Variants in DHX8 observed in about 807,000 individuals in gnomAD.
The protein encoded by DHX8 is ATP-dependent RNA helicase DHX8.
DHX8 carries 67 observed loss-of-function variants against 140.7 expected under a neutral mutation model. The ratio of observed to expected loss-of-function variants is 0.48; its 90% CI spans 0.39 to 0.58. The LOEUF (loss-of-function observed/expected upper bound fraction) is 0.58. Among genes scored for constraint, DHX8 ranks in the 20% least tolerant of loss-of-function variants. DHX8 has a pLI of 0.00. For synonymous variants in DHX8, 533 were observed against 553.2 expected (o/e 0.96, Z 0.51); for missense variants, 887 against 1,550.7 (o/e 0.57, Z 7.19).
chr17:43,500,207 C>G, intron 11 of DHX8, 104 bp downstream of exon 11: 2 of 1,332,044 alleles, frequency 1.5e-6, no homozygotes, highest in Non-Finnish European at 2.0e-6. Context: ...ACCCTTGGGC[C>G]GGGGCGGTGG....
chr17:43,543,189 C>G (rs376690109), intron 3 of DHX8, among the ~76,000 whole-genome samples: 3 of 151,784 alleles, frequency 2.0e-5, no homozygotes, highest in African/African-American at 7.3e-5. Context: ...GCCCACCCCC[C>G]TCACCTCCGC....
Position 43,504,748 on chromosome 17 carries a change from G to A in DHX8, c.1651G>A (p.Gly551Arg). The A allele has an allele frequency of 6.2e-7, 1 of 1,614,016 alleles. No individual in the cohort carries two copies. The change falls in exon 12 of 23, where the codon GGA (glycine) becomes AGA (arginine). Residue 551 changes from glycine (G) to arginine (R), a missense_variant. Physicochemically the swap from Gly to Arg is moderately radical, Grantham distance 125. This residue lies in a region of DHX8 where 178 missense variants were observed against 398.5 expected (regional missense o/e 0.45). Transcript: ENST00000262415. The stretch of plus-strand genomic sequence containing the variant: ...CTTTGGGGGCAACAAAGCCTCTTAC[G>A]GAAAAAAGACCCAGATGTCAATCCT... ...HAFGGNKASYGKKTQMSILEQ... is the reference protein window; with the variant it reads ...HAFGGNKASYRKKTQMSILEQ...
chr17:43,538,534 ACAG>A (rs1444391759), intron 3 of DHX8, among the ~76,000 whole-genome samples: 1 of 152,156 alleles, frequency 6.6e-6, no homozygotes, highest in Non-Finnish European at 1.5e-5. Context: ...AAACTGAAAT[ACAG>A]CAGCAGCTCA....
chr17:43,511,443 C>T (rs555924922), intron 16 of DHX8, among the ~76,000 whole-genome samples: 7 of 67,566 alleles, frequency 1.0e-4, no homozygotes, highest in African/African-American at 3.2e-4. Flanking sequence ...TGGCTTATGC[C>T]TGTGATCCCA....
downstream of DHX8, chr17:43,528,604 G>A (rs762197744): frequency 7.4e-6 from 12 of 1,614,176 alleles, no homozygotes; most frequent in South Asian, 4.4e-5. Flanking sequence ...ATCCAAGTGG[G>A]ACAAAGGGAC....
intron 2 of DHX8, chr17:43,533,882 A>G: frequency 1.2e-6 from 2 of 1,604,876 alleles, no homozygotes; most frequent in East Asian, 2.3e-5. Context: ...ACTGCTCGCC[A>G]TGGTGGTAGG....
Position 43,507,091 on chromosome 17 carries a change from G to A in DHX8, c.1817G>A (p.Gly606Asp). 3 of 1,614,044 alleles carry A rather than the reference G, an allele frequency of 1.9e-6. No homozygotes were observed. The highest frequency in any genetic ancestry group is 2.5e-6 in the Non-Finnish European group (3 of 1,180,008). Residue 606 changes from glycine to aspartate, a missense_variant, in exon 13 of 23, where the codon GGC becomes GAC. Gly to Asp is a moderately conservative substitution (Grantham distance 94). Transcript: ENST00000262415. ...ATCACCCAGTACCTGGCGGAGGCAG[G>A]CTACACTTCCAGGGGCAAGATTGGG... ...TQITQYLAEA[G>D]YTSRGKIGCT...
In DHX8 at chr17:43,483,993, C is replaced by T. The variant is rs1016609489; in HGVS notation, c.-45C>T. On this transcript the variant is annotated 5_prime_UTR_variant, in exon 1 of 23. Transcript: ENST00000262415. ...AAGCTGGAACCCGGCCGGAGTAGCT[C>T]TGAGCGCCGGCTGTGAGGAAGGAGG... The T allele has an allele frequency of 2.5e-6, 4 of 1,610,868 alleles. No homozygotes were observed. Among genetic ancestry groups the T allele is most frequent in the Non-Finnish European group, 3.4e-6 (4 of 1,178,116 alleles).
intron 4 of DHX8, among the ~76,000 whole-genome samples, chr17:43,491,864 G>T (rs533920244): frequency 2.8e-4 from 43 of 152,290 alleles, no homozygotes; most frequent in Non-Finnish European, 5.0e-4. Flanking sequence ...AGTGCAGAGG[G>T]AGAGTTGCTT....
At chr17:43,499,744 A>G (rs1033729160) in intron 10 of DHX8, among the ~76,000 whole-genome samples, 3 of 152,170 alleles carry the variant, frequency 2.0e-5, no homozygotes, top group African/African-American at 7.2e-5. Flanking sequence ...CTCATATTCA[A>G]ACTAAACATC....
chr17:43,531,032 A>G (rs966924921), downstream of DHX8, among the ~76,000 whole-genome samples: 2 of 152,154 alleles, frequency 1.3e-5, no homozygotes, highest in African/African-American at 4.8e-5. Flanking sequence ...CAGCGGCAAG[A>G]GTGCCTCCCT....
chr17:43,532,562 G>A (rs1394320028), intron 2 of DHX8: 4 of 948,068 alleles, frequency 4.2e-6, no homozygotes, highest in African/African-American at 1.7e-5. Flanking sequence ...AAAGTGGGTG[G>A]GTGGGTTGGA....
intron 9 of DHX8, 28 bp from the exon 10 acceptor site, chr17:43,498,834 C>T: frequency 6.5e-7 from 1 of 1,543,896 alleles, no homozygotes; most frequent in Non-Finnish European, 8.8e-7. Context: ...TTGTTTATGG[C>T]TAATTCTTCT....
chr17:43,515,876 A>C (rs1475839138), intron 17 of DHX8, among the ~76,000 whole-genome samples: 1 of 152,042 alleles, frequency 6.6e-6, no homozygotes, highest in Admixed American at 6.6e-5. Context: ...GTAATTTGTA[A>C]ATCCTGGTAC....
chr17:43,534,876 G>A (rs1195195438), intron 2 of DHX8, among the ~76,000 whole-genome samples: 2 of 151,950 alleles, frequency 1.3e-5, no homozygotes, highest in Non-Finnish European at 2.9e-5. Context: ...GGGAGGCAGC[G>A]GTTGCAGTGA....
intron 6 of DHX8, 80 bp from the exon 7 acceptor site, chr17:43,493,365 G>T: frequency 6.5e-7 from 1 of 1,546,360 alleles, no homozygotes; most frequent in South Asian, 1.2e-5. Context: ...ATTTTCTTTT[G>T]TTAGTTCCAG....
In DHX8 at chr17:43,520,148, C is replaced by A. The variant is rs374885371; in HGVS notation, c.2818C>A (p.Leu940Met). The A allele has an allele frequency of 7.1e-5, 114 of 1,614,062 alleles. No homozygotes were observed. Among genetic ancestry groups the A allele is most frequent in the Non-Finnish European group, 9.2e-5 (109 of 1,180,032 alleles). Reference sequence around the variant, plus strand: ...GTTCTAGGCCATGGGTATCAATGATCTGCTGTCCTTTGATTTCATGGATGC... The same window carrying A: ...GTTCTAGGCCATGGGTATCAATGATATGCTGTCCTTTGATTTCATGGATGC... Reference protein sequence around the residue: ...LSLKAMGINDLLSFDFMDAPP... With the variant: ...LSLKAMGINDMLSFDFMDAPP... The change falls in exon 19 of 23, where the codon CTG becomes ATG. Residue 940 changes from leucine (L) to methionine (M), a missense_variant. Physicochemically the swap from Leu to Met is conservative, Grantham distance 15 (BLOSUM62 2). This residue lies in a region of DHX8 where 151 missense variants were observed against 388.3 expected (regional missense o/e 0.39). Transcript: ENST00000262415.
intron 11 of DHX8, 65 bp downstream of exon 11, chr17:43,500,168 G>T: frequency 1.3e-6 from 2 of 1,549,142 alleles, no homozygotes; most frequent in Non-Finnish European, 1.8e-6. Context: ...ACACAGGGAG[G>T]GGTCACTCCC....
chr17:43,523,006 T>C (rs1176180451), intron 22 of DHX8, among the ~76,000 whole-genome samples: 4 of 139,626 alleles, frequency 2.9e-5, no homozygotes, highest in African/African-American at 5.5e-5. Flanking sequence ...GAGGTTGCAG[T>C]GAGCTGAGAT....
Sources: allele counts gnomAD v4.1 joint callset (sites outside exome capture counted in the v4.1 genomes callset), GRCh38; gene constraint gnomAD v4.1.1; regional missense constraint gnomAD v4.1.1; transcripts MANE v1.5; gene names NCBI Gene and HGNC (gene_info 2026-07-23, HGNC 2026-07-21).